TNS1: variants seen among roughly 807,000 people sequenced by gnomAD.
The protein encoded by TNS1 is tensin 1, also known as tensin-1.
In TNS1, 62 loss-of-function variants were observed where a neutral mutation model predicts 168.6. That is an observed-to-expected ratio of 0.37 (90% CI 0.30 to 0.45). The LOEUF is 0.45. Ranked by LOEUF, TNS1 falls within the 20% of genes least tolerant of loss-of-function variation. The pLI is 1.00. For synonymous variants in TNS1, 934 were observed against 933.2 expected, an observed-to-expected ratio of 1.00 and a Z score of -0.02; for missense variants, 2,240 against 2,339.4, an observed-to-expected ratio of 0.96 and a Z score of 0.88.
intron 3 of TNS1, among the ~76,000 whole-genome samples, chr2:217,946,369 C>T (rs1957105543): frequency 6.6e-6 from 1 of 152,194 alleles, no homozygotes; most frequent in African/African-American, 2.4e-5. Context: ...TCTCCCTTCC[C>T]CTTTCCTCAT....
intron 3 of TNS1, among the ~76,000 whole-genome samples, chr2:217,926,020 G>A (rs983998594): frequency 6.6e-6 from 1 of 152,194 alleles, no homozygotes; most frequent in African/African-American, 2.4e-5. Flanking sequence ...GGTCTTTAAT[G>A]AGATAACTAA....
rs187368986 is a variant in TNS1 at position 218,016,973 on chromosome 2, A to T, written c.156+16847T>A. The stretch of plus-strand genomic sequence containing the variant: ...AAAGGAATCAAAGAACGAGGAGAGA[A>T]CGCAGCTGGCCAGCCAGGGAAACTG... On this transcript the variant is annotated intron_variant, in intron 1 of 1. Transcript: ENST00000649572. Among the ~76,000 whole-genome samples, 205 of 152,290 alleles carry T rather than the reference A, an allele frequency of 1.3e-3. 1 individual carries two copies. Among genetic ancestry groups the T allele is most frequent in the East Asian group, 3.5e-3 (18 of 5,178 alleles).
intron 6 of TNS1, chr2:217,901,755 A>T (rs548262431): frequency 3.4e-4 from 52 of 152,328 alleles, no homozygotes; most frequent in African/African-American, 1.1e-3. Context: ...TTCACACTCC[A>T]ACCTGGGGCT....
In TNS1 at chr2:217,801,346, C is replaced by T. The variant is rs547760090; in HGVS notation, c.*3113G>A. On this transcript the variant is annotated 3_prime_UTR_variant, in exon 33 of 33. Transcript: ENST00000682258. Reference sequence around the variant, plus strand: ...GCCACGTGGAGCTCACTGGGCCCCTCCCCCAGCTGAAGGGACATGACCCTC... The same window carrying T: ...GCCACGTGGAGCTCACTGGGCCCCTTCCCCAGCTGAAGGGACATGACCCTC... The T allele has an allele frequency of 6.6e-6, 1 of 152,428 alleles. No homozygotes were observed. The highest frequency in any genetic ancestry group is 1.9e-4 in the East Asian group (1 of 5,166). The allele number at this position is 152,428 out of a possible 1,614,324, so 9.4% of individuals were successfully genotyped here.
intron 3 of TNS1, among the ~76,000 whole-genome samples, chr2:217,920,524 G>C (rs1350715097): frequency 6.6e-6 from 1 of 151,182 alleles, no homozygotes; most frequent in Non-Finnish European, 1.5e-5. Flanking sequence ...CACTGCACCG[G>C]CATTTCAATA....
At chr2:217,865,416 C>T (rs968828061) in intron 18 of TNS1, among the ~76,000 whole-genome samples, 10 of 152,266 alleles carry the variant, frequency 6.6e-5, no homozygotes, top group African/African-American at 2.2e-4. Context: ...ATCTGCTTCT[C>T]GAAGGTTCTC....
At chr2:217,834,453 G>A (rs1396743726) in intron 21 of TNS1, among the ~76,000 whole-genome samples, 1 of 152,204 alleles carries the variant, frequency 6.6e-6, no homozygotes, top group Non-Finnish European at 1.5e-5. Context: ...TCCTCTTCAT[G>A]TCTCTTCTTC....
upstream of TNS1, among the ~76,000 whole-genome samples, chr2:218,004,781 T>A (rs116927696): frequency 3.7e-3 from 563 of 152,284 alleles, 24 homozygotes; most frequent in East Asian, 0.099. Context: ...CTGGGAAAGA[T>A]CCTGCCTCTA....
At chr2:218,004,922 C>T (rs1199860624), upstream of TNS1, among the ~76,000 whole-genome samples, 3 of 152,234 alleles carry the variant, frequency 2.0e-5, no homozygotes, top group Admixed American at 6.5e-5. Context: ...GCAGTCACAG[C>T]TGGGGATGTC....
At chr2:217,905,937 A>C (rs1953627317) in intron 6 of TNS1, among the ~76,000 whole-genome samples, 1 of 152,218 alleles carries the variant, frequency 6.6e-6, no homozygotes, top group Admixed American at 6.5e-5. Flanking sequence ...TCTTGTCTCC[A>C]GGGAAGCACT....
At chr2:217,966,305 G>C in intron 3 of TNS1, among the ~76,000 whole-genome samples, 1 of 141,592 alleles carries the variant, frequency 7.1e-6, no homozygotes, top group South Asian at 2.1e-4. Context: ...GTGTGTGTGT[G>C]TGTGCGCGCG....
In TNS1 at chr2:218,008,241, C is replaced by A. The variant is rs148529783; in HGVS notation, c.96+1859G>T. 2.1e-3 allele frequency among the ~76,000 whole-genome samples: 323 copies of A among 152,334 alleles called. 2 individuals are homozygous for A. The highest frequency in any genetic ancestry group is 3.9e-3 in the South Asian group (19 of 4,824). ...CACAATCTTGATCTCTTCCCCAGCT[C>A]TAATTTCCTGCCTGACTCAGGCCCC... On this transcript the variant is annotated intron_variant, in intron 1 of 32. Transcript: ENST00000646520.
chr2:217,925,462 C>T (rs1055472461), intron 3 of TNS1, among the ~76,000 whole-genome samples: 4 of 152,100 alleles, frequency 2.6e-5, no homozygotes, highest in African/African-American at 9.7e-5. Flanking sequence ...CTTGCCCAGC[C>T]CTCCAAAGGG....
chr2:217,811,203 C>T (rs1940835104), intron 28 of TNS1, among the ~76,000 whole-genome samples: 1 of 152,092 alleles, frequency 6.6e-6, no homozygotes, highest in African/African-American at 2.4e-5. Flanking sequence ...TTTAACAAGT[C>T]CCTGGGATAT....
chr2:217,855,894 A>G (rs1948075823), intron 18 of TNS1, among the ~76,000 whole-genome samples: 1 of 152,154 alleles, frequency 6.6e-6, no homozygotes, highest in Non-Finnish European at 1.5e-5. Context: ...TATTCCTCAT[A>G]TTCTGCAGCA....
At chr2:217,958,987 C>G (rs747167696) in intron 3 of TNS1, among the ~76,000 whole-genome samples, 7 of 152,218 alleles carry the variant, frequency 4.6e-5, no homozygotes, top group Non-Finnish European at 8.8e-5. Flanking sequence ...GCAAGTCTTG[C>G]CTCCCATTCT....
intron 19 of TNS1, among the ~76,000 whole-genome samples, chr2:217,844,739 C>T (rs59997697): frequency 0.4 from 60,744 of 151,732 alleles, 13,137 homozygotes; most frequent in African/African-American, 0.58. Context: ...GTTCTTTTTT[C>T]CCCCTATTAA....
rs1946905291 is a variant in TNS1, at chr2:217,848,008, G to A, written c.2509C>T (p.Leu837Phe). Reference protein sequence around the residue: ...QQEIEQSIETLNMLMLDLEPA... With the variant: ...QQEIEQSIETFNMLMLDLEPA... ...TCCAGGTCCAGCATCAGCATATTGA[G>A]TGTTTCGATGGACTGTTCAATCTCC... Residue 837 changes from leucine to phenylalanine, a missense_variant, in exon 19 of 33, where the codon CTC (leucine) becomes TTC (phenylalanine). Coordinates refer to ENST00000682258, the MANE Select transcript of TNS1 (RefSeq NM_001387777.1). 6 of 1,516,820 alleles carry A rather than the reference G, an allele frequency of 4.0e-6. No homozygotes were observed. Among genetic ancestry groups the A allele is most frequent in the Non-Finnish European group, 5.3e-6 (6 of 1,130,630 alleles). The allele number at this position is 1,516,820 out of a possible 1,614,324, so 94.0% of individuals were successfully genotyped here.
At chr2:218,000,666 C>G (rs1290957885) in intron 1 of TNS1, among the ~76,000 whole-genome samples, 1 of 152,206 alleles carries the variant, frequency 6.6e-6, no homozygotes, top group African/African-American at 2.4e-5. Context: ...CCAAGCCTGC[C>G]CATACCAAAC....
Sources: allele counts gnomAD v4.1 joint callset (sites outside exome capture counted in the v4.1 genomes callset), GRCh38; gene constraint gnomAD v4.1.1; transcripts MANE v1.5; gene names NCBI Gene and HGNC (gene_info 2026-07-23, HGNC 2026-07-21).